Variants in ABCD3 observed in about 807,000 individuals in gnomAD.
ABCD3 encodes the protein ATP binding cassette subfamily D member 3, also known as ATP-binding cassette sub-family D member 3.
A neutral mutation model predicts 105.5 loss-of-function variants in ABCD3; 41 were observed. The observed-to-expected ratio is 0.39, with a 90% confidence interval of 0.30 to 0.50. The LOEUF (loss-of-function observed/expected upper bound fraction) is 0.50. Among genes scored for constraint, ABCD3 ranks in the 20% least tolerant of loss-of-function variants. The probability of loss-of-function intolerance (pLI) is 0.84; values close to 1 mark genes in which losing one functional copy is unlikely to be tolerated. For synonymous variants in ABCD3, 258 were observed against 269.0 expected (o/e 0.96, Z 0.40); for missense variants, 622 against 806.3 (o/e 0.77, Z 2.77).
At chr1:94,423,701 C>G (rs1185238831) in intron 1 of ABCD3, among the ~76,000 whole-genome samples, 1 of 152,098 alleles carries the variant, frequency 6.6e-6, no homozygotes, top group Non-Finnish European at 1.5e-5. Flanking sequence ...GACATTCCCA[C>G]TGCTGGAAAT....
intron 8 of ABCD3, among the ~76,000 whole-genome samples, chr1:94,479,606 G>A (rs1288439348): frequency 6.6e-6 from 1 of 152,112 alleles, no homozygotes; most frequent in Non-Finnish European, 1.5e-5. Flanking sequence ...GAAGTTTCAA[G>A]AAAGTATTTA....
At chr1:94,389,482 T>G in the ABCD3 span, among the ~76,000 whole-genome samples, 1 of 152,236 alleles carries the variant, frequency 6.6e-6, no homozygotes, top group African/African-American at 2.4e-5. Context: ...GAGGACATGT[T>G]CCTGCTGCAG....
At chr1:94,420,091 C>T (rs1012629556) in intron 1 of ABCD3, among the ~76,000 whole-genome samples, 4 of 152,142 alleles carry the variant, frequency 2.6e-5, no homozygotes, top group African/African-American at 9.7e-5. Context: ...CCTACAAGTT[C>T]TGGATTACTT....
chr1:94,416,267 T>A (rs1001916345), upstream of ABCD3, among the ~76,000 whole-genome samples: 1 of 152,200 alleles, frequency 6.6e-6, no homozygotes, highest in Non-Finnish European at 1.5e-5. Context: ...ACTCCTGCGG[T>A]CCTTTAGAAT....
At chr1:94,410,821 C>G in the ABCD3 span, among the ~76,000 whole-genome samples, 2 of 152,172 alleles carry the variant, frequency 1.3e-5, no homozygotes, top group African/African-American at 2.4e-5. Context: ...TGACATAATT[C>G]TTAAAGTGGA....
At chr1:94,428,525 A>G (rs936115558) in intron 1 of ABCD3, among the ~76,000 whole-genome samples, 1 of 152,200 alleles carries the variant, frequency 6.6e-6, no homozygotes, top group African/African-American at 2.4e-5. Flanking sequence ...AATGTGAGAC[A>G]TAGTACGATA....
At chr1:94,471,514 A>G (rs1047579442) in intron 4 of ABCD3, among the ~76,000 whole-genome samples, 18 of 152,036 alleles carry the variant, frequency 1.2e-4, no homozygotes, top group Non-Finnish European at 2.2e-4. Flanking sequence ...AAAAAAAAAA[A>G]AAGATTAGCA....
intron 21 of ABCD3, 131 bp from the exon 22 acceptor site, chr1:94,515,015 A>G (rs1419599546): frequency 1.4e-6 from 1 of 719,046 alleles, no homozygotes; most frequent in East Asian, 2.6e-5. Flanking sequence ...CCAGTTGTAA[A>G]TTTTTTCTCA....
At chr1:94,475,820 G>C in intron 7 of ABCD3, 83 bp downstream of exon 7, 7 of 1,190,904 alleles carry the variant, frequency 5.9e-6, no homozygotes, top group Non-Finnish European at 8.5e-6. Context: ...AATTGATTTT[G>C]TGGACATAAC....
At chr1:94,417,954 C>T (rs564206402), upstream of ABCD3, among the ~76,000 whole-genome samples, 3 of 152,254 alleles carry the variant, frequency 2.0e-5, no homozygotes, top group Admixed American at 2.0e-4. Flanking sequence ...AATCACTGTG[C>T]TGTGTTTTCC....
chr1:94,499,692 C>T (rs541638998), intron 20 of ABCD3, 78 bp downstream of exon 20: 1 of 1,569,238 alleles, frequency 6.4e-7, no homozygotes, highest in East Asian at 2.3e-5. Context: ...AAAGTTTCAT[C>T]TTATATTTTT....
At chr1:94,438,309 C>T (rs12029892) in intron 1 of ABCD3, among the ~76,000 whole-genome samples, 8 of 124,028 alleles carry the variant, frequency 6.5e-5, no homozygotes, top group African/African-American at 9.5e-5. Flanking sequence ...CATACACACA[C>T]ACACACACAC....
In ABCD3 at chr1:94,418,460, C is replaced by G. The variant is rs772126218; in HGVS notation, c.-19C>G. 1 of 1,584,280 alleles carries G rather than the reference C, an allele frequency of 6.3e-7. No homozygotes were observed. On this transcript the variant is annotated 5_prime_UTR_variant, in exon 1 of 23. Transcript: ENST00000370214. ...CCGCCGCCGCGTCCCCTCGCCGGCT[C>G]GCTGGTACCGGCAGTGCCATGGCGG...
intron 20 of ABCD3, among the ~76,000 whole-genome samples, chr1:94,500,039 A>G (rs1278203517): frequency 6.6e-6 from 1 of 152,144 alleles, no homozygotes; most frequent in Non-Finnish European, 1.5e-5. Context: ...TTCAAATTTT[A>G]TCTTTATTCT....
At chr1:94,512,888 CAATA>C (rs1303960349) in intron 21 of ABCD3, among the ~76,000 whole-genome samples, 1 of 151,910 alleles carries the variant, frequency 6.6e-6, no homozygotes, top group Admixed American at 6.6e-5. Context: ...TGGGAGTTCT[CAATA>C]AATAAAAAAG....
At chr1:94,438,386 G>T (rs1369894177) in intron 1 of ABCD3, among the ~76,000 whole-genome samples, 1 of 151,038 alleles carries the variant, frequency 6.6e-6, no homozygotes, top group Non-Finnish European at 1.5e-5. Flanking sequence ...CATGAGCAAA[G>T]AAAGTGATTT....
chr1:94,425,603 T>G (rs985647371), intron 1 of ABCD3, among the ~76,000 whole-genome samples: 3 of 152,206 alleles, frequency 2.0e-5, no homozygotes, highest in Admixed American at 6.5e-5. Flanking sequence ...GTGGAAACTG[T>G]GGGCATTCTT....
At chr1:94,497,270 GTTTT>G (rs754094106) in intron 16 of ABCD3, among the ~76,000 whole-genome samples, 28 of 152,010 alleles carry the variant, frequency 1.8e-4, no homozygotes, top group Non-Finnish European at 3.1e-4. Flanking sequence ...GAGGTTTTTG[GTTTT>G]TTGTTTTCAT....
intron 21 of ABCD3, chr1:94,514,788 C>T (rs1262156100): frequency 5.1e-6 from 1 of 195,476 alleles, no homozygotes; most frequent in Non-Finnish European, 1.1e-5. Context: ...AGTTGACTGT[C>T]AACAATGCTA....
Sources: allele counts gnomAD v4.1 joint callset (sites outside exome capture counted in the v4.1 genomes callset), GRCh38; gene constraint gnomAD v4.1.1; transcripts MANE v1.5; gene names NCBI Gene and HGNC (gene_info 2026-07-23, HGNC 2026-07-21).